The following RBFOX1 variants were observed in gnomAD, a reference collection of about 807,000 sequenced individuals.
RBFOX1 encodes RNA binding fox-1 homolog 1, also known as RNA binding protein fox-1 homolog 1.
RBFOX1 carries 8 observed loss-of-function variants against 57.7 expected under a neutral mutation model. That is an observed-to-expected ratio of 0.14 (90% CI 0.08 to 0.25). RBFOX1 has a LOEUF of 0.25. Ranked by LOEUF, RBFOX1 falls within the 10% of genes least tolerant of loss-of-function variation. RBFOX1 has a pLI of 1.00. For missense variants in RBFOX1, 611 were observed against 548.5 expected (o/e 1.11, Z -1.14); for synonymous variants, 326 against 222.4 (o/e 1.47, Z -4.15).
At chr16:6,478,419 A>ATTT (rs2095313540) in intron 2 of RBFOX1, among the ~76,000 whole-genome samples, 1 of 13,804 alleles carries the variant, frequency 7.2e-5, no homozygotes, top group Non-Finnish European at 1.3e-4. Context: ...ATATATATAT[A>ATTT]TATATATATA....
chr16:6,457,331 G>A (rs1040803265), intron 2 of RBFOX1, among the ~76,000 whole-genome samples: 1 of 151,950 alleles, frequency 6.6e-6, no homozygotes, highest in Admixed American at 6.6e-5. Flanking sequence ...GGAAGCCATG[G>A]CATTGGATGA....
At chr16:5,654,985 C>G (rs1034399195) in intron 3 of RBFOX1, among the ~76,000 whole-genome samples, 2 of 152,148 alleles carry the variant, frequency 1.3e-5, no homozygotes, top group South Asian at 4.1e-4. Context: ...TTGGATTATA[C>G]GTTGCATTGC....
chr16:7,020,312 G>T (rs746185497), intron 3 of RBFOX1, among the ~76,000 whole-genome samples: 2 of 151,892 alleles, frequency 1.3e-5, no homozygotes, highest in Non-Finnish European at 2.9e-5. Flanking sequence ...TGCAACCTCT[G>T]TCCGCCAGGT....
At chr16:5,274,843 G>T (rs767496864) in intron 1 of RBFOX1, among the ~76,000 whole-genome samples, 2 of 152,190 alleles carry the variant, frequency 1.3e-5, no homozygotes, top group African/African-American at 2.4e-5. Context: ...TTCTGCCTGT[G>T]ACTGAATGGG....
intron 3 of RBFOX1, among the ~76,000 whole-genome samples, chr16:5,809,253 A>T (rs917645034): frequency 2.6e-5 from 4 of 152,236 alleles, no homozygotes; most frequent in African/African-American, 9.6e-5. Flanking sequence ...CATTCAGGAC[A>T]TAGGCACAGG....
intron 2 of RBFOX1, among the ~76,000 whole-genome samples, chr16:6,605,406 A>G (rs982762697): frequency 1.3e-5 from 2 of 151,050 alleles, no homozygotes; most frequent in African/African-American, 2.5e-5. Context: ...GATTTATGAT[A>G]TTATCAAGCA....
rs370142923 is a variant in RBFOX1 at position 6,771,368 on chromosome 16, T to C, written c.-16+116718T>C. Among the ~76,000 whole-genome samples, 20 of 152,284 alleles carry C rather than the reference T, an allele frequency of 1.3e-4. No homozygotes were observed. The South Asian group carries it at 2.1e-3, about 16-fold the overall frequency. Reference sequence around the variant, plus strand: ...GGTATCTTCTTAGATATGATGCAGATAGTACACAGATCTTTCTGACGCCTA... The same window carrying C: ...GGTATCTTCTTAGATATGATGCAGACAGTACACAGATCTTTCTGACGCCTA... On this transcript the variant is annotated intron_variant, in intron 3 of 15. Coordinates refer to ENST00000550418, the MANE Select transcript of RBFOX1 (RefSeq NM_018723.4).
chr16:7,360,356 C>G (rs2097298063), intron 4 of RBFOX1, among the ~76,000 whole-genome samples: 1 of 152,156 alleles, frequency 6.6e-6, no homozygotes, highest in South Asian at 2.1e-4. Flanking sequence ...GAAATGGTGG[C>G]TCTGCTGCTT....
At chr16:6,729,636 C>T (rs777181578) in intron 3 of RBFOX1, among the ~76,000 whole-genome samples, 4 of 152,024 alleles carry the variant, frequency 2.6e-5, no homozygotes, top group Non-Finnish European at 4.4e-5. Context: ...GTAGAAAGTA[C>T]CTCATTCTCT....
intron 4 of RBFOX1, among the ~76,000 whole-genome samples, chr16:5,878,533 A>G (rs1400087328): frequency 6.6e-6 from 1 of 150,552 alleles, no homozygotes; most frequent in East Asian, 2.0e-4. Context: ...AGGCTTGAAA[A>G]CCCCCTTGGG....
chr16:7,529,662 C>T (rs764808450), intron 5 of RBFOX1, among the ~76,000 whole-genome samples: 5 of 151,952 alleles, frequency 3.3e-5, no homozygotes, highest in Admixed American at 6.6e-5. Flanking sequence ...GTTATCTGTC[C>T]AGCCTCTGAA....
At chr16:6,501,184 C>A (rs1395145186) in intron 2 of RBFOX1, among the ~76,000 whole-genome samples, 1 of 143,680 alleles carries the variant, frequency 7.0e-6, no homozygotes, top group Non-Finnish European at 1.5e-5. Flanking sequence ...TACATGTGCA[C>A]AACGTGCAGG....
intron 3 of RBFOX1, among the ~76,000 whole-genome samples, chr16:5,819,930 G>T (rs1393846747): frequency 1.3e-5 from 2 of 152,140 alleles, no homozygotes; most frequent in East Asian, 3.9e-4. Context: ...TGGCCTTTCT[G>T]CTGGCCTTTA....
At chr16:7,115,132 G>A (rs149618650) in intron 4 of RBFOX1, among the ~76,000 whole-genome samples, 43 of 152,260 alleles carry the variant, frequency 2.8e-4, no homozygotes, top group Non-Finnish European at 4.7e-4. Flanking sequence ...AGTTTCCAAC[G>A]TGTAGATTCT....
At chr16:7,016,831 G>T (rs1028707071) in intron 3 of RBFOX1, among the ~76,000 whole-genome samples, 1 of 152,128 alleles carries the variant, frequency 6.6e-6, no homozygotes, top group Non-Finnish European at 1.5e-5. Flanking sequence ...TTGTGATTTG[G>T]TTTCGGCCAG....
intron 4 of RBFOX1, among the ~76,000 whole-genome samples, chr16:7,078,446 C>G (rs554646212): frequency 1.3e-5 from 2 of 152,244 alleles, no homozygotes; most frequent in African/African-American, 4.8e-5. Context: ...CTCCCGGATT[C>G]AAGCGGTTCT....
chr16:6,180,001 G>C (rs1396463294), intron 1 of RBFOX1, among the ~76,000 whole-genome samples: 2 of 152,156 alleles, frequency 1.3e-5, no homozygotes, highest in African/African-American at 4.8e-5. Context: ...GTATGTCAGG[G>C]TTTAAAGTTT....
intron 1 of RBFOX1, among the ~76,000 whole-genome samples, chr16:6,302,103 C>G (rs2078889909): frequency 1.3e-5 from 2 of 152,156 alleles, no homozygotes; most frequent in Admixed American, 1.3e-4. Context: ...TGTCCTGTGG[C>G]TTCATCCACA....
chr16:6,385,896 T>C (rs1201681496), intron 2 of RBFOX1, among the ~76,000 whole-genome samples: 1 of 151,648 alleles, frequency 6.6e-6, no homozygotes, highest in African/African-American at 2.4e-5. Flanking sequence ...TCCCCAACAT[T>C]AGTGTGGGAA....
Sources: allele counts gnomAD v4.1 joint callset (sites outside exome capture counted in the v4.1 genomes callset), GRCh38; gene constraint gnomAD v4.1.1; transcripts MANE v1.5; gene names NCBI Gene and HGNC (gene_info 2026-07-23, HGNC 2026-07-21).